The following NFE2L3 variants were observed in gnomAD, a reference collection of about 807,000 sequenced individuals.
NFE2L3 encodes the protein nuclear factor erythroid 2-related factor 3.
NFE2L3 carries 18 observed loss-of-function variants against 23.5 expected under a neutral mutation model. The observed-to-expected ratio is 0.77, with a 90% CI of 0.53 to 1.13. The LOEUF (loss-of-function observed/expected upper bound fraction) is 1.13, where lower values mean the gene tolerates loss of function less well. Ranked by LOEUF, NFE2L3 falls within the 50% of genes most tolerant of loss-of-function variation. The pLI is 0.00. For missense variants in NFE2L3, 1,152 were observed against 877.2 expected (o/e 1.31, Z -3.96); for synonymous variants, 424 against 354.5 (o/e 1.20, Z -2.20).
rs769856275 is a variant in NFE2L3 at position 26,185,364 on chromosome 7, G to A, written c.1666G>A (p.Gly556Ser). ...CCCTTTTTCTGTAGATGAAATTGTC[G>A]GCATGCCTGTTGATTCTTTCAATAG... is the stretch of plus-strand genomic sequence containing the variant. ...HIPFSVDEIV[G>S]MPVDSFNSML... is the part of the protein sequence containing the mutation. Residue 556 changes from glycine to serine, a missense_variant, in exon 4 of 4, where the codon GGC (glycine) becomes AGC (serine). By Grantham distance (56) the Gly-to-Ser change is moderately conservative (BLOSUM62 0). Coordinates refer to ENST00000056233, the MANE Select transcript of NFE2L3 (RefSeq NM_004289.7). 2.5e-5 allele frequency: 41 copies of A among 1,613,934 alleles called. No homozygotes were observed. The highest frequency in any genetic ancestry group is 2.9e-5 in the Non-Finnish European group (34 of 1,180,000).
Position 26,183,707 on chromosome 7 carries a change from C to G in NFE2L3, c.757C>G (p.Leu253Val), listed in dbSNP as rs1229328383. The change falls in exon 3 of 4, where the codon CTG becomes GTG. Residue 253 changes from leucine to valine, a missense_variant. Coordinates refer to ENST00000056233, the MANE Select transcript of NFE2L3 (RefSeq NM_004289.7). ...TTTTTGTGTTTCTCTACAGAGACAT[C>G]TGAATGGGACAGATACTTCTTTCTC... Reference protein sequence around the residue: ...KTTESRNERHLNGTDTSFSLE... With the variant: ...KTTESRNERHVNGTDTSFSLE... 6.2e-7 allele frequency: 1 copy of G among 1,608,668 alleles called. No individual in the cohort carries two copies. Among genetic ancestry groups the G allele is most frequent in the South Asian group, 1.1e-5 (1 of 90,962 alleles).
chr7:26,180,675 T>A (rs1784491294), intron 2 of NFE2L3, among the ~76,000 whole-genome samples: 1 of 152,224 alleles, frequency 6.6e-6, no homozygotes, highest in Non-Finnish European at 1.5e-5. Flanking sequence ...ACTCCCTCAC[T>A]GGGCTTCCCA....
rs1782460605 is a variant in NFE2L3, at chr7:26,185,505, ATTT to A, written c.1809_1811del (p.Ile603_Leu604delinsMet). 6.2e-7 allele frequency: 1 copy of A among 1,613,874 alleles called. No homozygotes were observed. The highest frequency in any genetic ancestry group is 8.5e-7 in the Non-Finnish European group (1 of 1,179,870). ...CTGTCGTAAACGCAAATTGGACATA[ATTT>A]TGAATTTAGAAGATGATGTATGTAA... On this transcript the variant is annotated inframe_deletion, in exon 4 of 4. Coordinates refer to ENST00000056233, the MANE Select transcript of NFE2L3 (RefSeq NM_004289.7).
In NFE2L3 at chr7:26,186,573, G is replaced by C. The variant is rs976297569; in HGVS notation, c.*790G>C. The C allele has an allele frequency of 6.6e-6, 1 of 152,186 alleles. No individual in the cohort carries two copies. Among genetic ancestry groups the C allele is most frequent in the African/African-American group, 2.4e-5 (1 of 41,446 alleles). 9.4% of individuals were successfully genotyped at this position (152,186 alleles called of 1,614,324 possible). ...CACAGGCCTTCCTCATGTAACCAGAGACAGAATGGGCTACTTGCAAAAACG... is the reference window on the plus strand; with the variant it reads ...CACAGGCCTTCCTCATGTAACCAGACACAGAATGGGCTACTTGCAAAAACG... On this transcript the variant is annotated 3_prime_UTR_variant, in exon 4 of 4. Coordinates refer to ENST00000056233, the MANE Select transcript of NFE2L3 (RefSeq NM_004289.7).
At chr7:26,166,879 T>G (rs1405174079) in intron 1 of NFE2L3, among the ~76,000 whole-genome samples, 1 of 152,154 alleles carries the variant, frequency 6.6e-6, no homozygotes, top group African/African-American at 2.4e-5. Context: ...TCTTTGAAGG[T>G]TCTTCCAACC....
chr7:26,152,374 T>C lies in NFE2L3; in HGVS notation c.-125T>C. On this transcript the variant is annotated 5_prime_UTR_variant, in exon 1 of 4. Coordinates refer to ENST00000056233, the MANE Select transcript of NFE2L3 (RefSeq NM_004289.7). This position sits in a 1 kb window ranked among gnomAD's most constrained non-coding sequence, Gnocchi z 4.4. ...GACGGCCGCCACGCGCCCCGGTCCA[T>C]TGTTTCGCTTATCTGGGTTCCAGGC... The C allele has an allele frequency of 1.9e-6, 1 of 526,592 alleles. No individual in the cohort carries two copies. Among genetic ancestry groups the C allele is most frequent in the Non-Finnish European group, 2.6e-6 (1 of 379,122 alleles). The allele number at this position is 526,592 out of a possible 1,614,324, so 32.6% of individuals were successfully genotyped here.
intron 1 of NFE2L3, among the ~76,000 whole-genome samples, chr7:26,157,628 A>G (rs991359859): frequency 1.3e-5 from 2 of 152,204 alleles, no homozygotes; most frequent in Non-Finnish European, 2.9e-5. Flanking sequence ...TTATAATTAC[A>G]TACATTGCGT....
chr7:26,183,603 G>T, intron 2 of NFE2L3, 98 bp from the exon 3 acceptor site: 1 of 738,092 alleles, frequency 1.4e-6, no homozygotes. Context: ...AAAATCCAGT[G>T]TGGAAATAAT....
intron 1 of NFE2L3, among the ~76,000 whole-genome samples, chr7:26,165,766 A>G (rs1461921720): frequency 6.6e-6 from 1 of 152,158 alleles, no homozygotes; most frequent in African/African-American, 2.4e-5. Flanking sequence ...CCCATTCAGT[A>G]TGATATTGGC....
intron 1 of NFE2L3, among the ~76,000 whole-genome samples, chr7:26,156,283 G>A (rs972551387): frequency 2.0e-5 from 3 of 152,164 alleles, no homozygotes; most frequent in African/African-American, 7.2e-5. Context: ...GTAAATGTTA[G>A]CTACTGTTAA....
chr7:26,163,272 A>G (rs183273292), intron 1 of NFE2L3, among the ~76,000 whole-genome samples: 2 of 152,350 alleles, frequency 1.3e-5, no homozygotes, highest in South Asian at 2.1e-4. Context: ...ATTTTAGTAT[A>G]TATCCCCAAA....
At position 26,184,821 on chromosome 7, in the gene NFE2L3, C is replaced by CT. The variant is rs1361575324; in HGVS notation, c.1124dup (p.Thr376AsnfsTer8). On this transcript the variant is annotated frameshift_variant, in exon 4 of 4. Transcript: ENST00000056233. LOFTEE classifies it low-confidence loss of function (END_TRUNC). ...ACCGGTTGACAATCATATGAGGAATCTAACAAGCCAAGACCTACTGTATGA... is the reference window on the plus strand; with the variant it reads ...ACCGGTTGACAATCATATGAGGAATCTTAACAAGCCAAGACCTACTGTATGA... 1 of 1,613,826 alleles carries CT rather than the reference C, an allele frequency of 6.2e-7. No homozygotes were observed. Among genetic ancestry groups the CT allele is most frequent in the Non-Finnish European group, 8.5e-7 (1 of 1,179,820 alleles).
intron 2 of NFE2L3, among the ~76,000 whole-genome samples, chr7:26,181,384 G>C (rs1784506063): frequency 1.3e-5 from 2 of 152,138 alleles, no homozygotes; most frequent in Non-Finnish European, 2.9e-5. Context: ...AGTTAGACCA[G>C]TGAATCACTG....
At chr7:26,160,553 C>T (rs1270969377) in intron 1 of NFE2L3, among the ~76,000 whole-genome samples, 1 of 152,234 alleles carries the variant, frequency 6.6e-6, no homozygotes, top group Non-Finnish European at 1.5e-5. Flanking sequence ...TTCAAACTCT[C>T]TAGGGCACCC....
At chr7:26,158,168 C>T (rs994139004) in intron 1 of NFE2L3, among the ~76,000 whole-genome samples, 1 of 152,138 alleles carries the variant, frequency 6.6e-6, no homozygotes, top group African/African-American at 2.4e-5. Flanking sequence ...CCTGCCTCAG[C>T]CTCCCAAGTA....
chr7:26,176,920 C>T (rs889717427), intron 1 of NFE2L3, among the ~76,000 whole-genome samples: 4 of 116,534 alleles, frequency 3.4e-5, no homozygotes, highest in Non-Finnish European at 5.5e-5. Flanking sequence ...ACATCCCAGA[C>T]GATGGGCGGC....
intron 1 of NFE2L3, among the ~76,000 whole-genome samples, chr7:26,171,894 T>C (rs1412513284): frequency 6.6e-6 from 1 of 152,094 alleles, no homozygotes. Context: ...GGGGGCAGGG[T>C]CTGATTGTAT....
At chr7:26,159,109 C>T (rs937969953) in intron 1 of NFE2L3, among the ~76,000 whole-genome samples, 6 of 152,186 alleles carry the variant, frequency 3.9e-5, no homozygotes, top group Non-Finnish European at 1.5e-5. Flanking sequence ...CTCGCCATTG[C>T]CTACTTATTC....
intron 1 of NFE2L3, among the ~76,000 whole-genome samples, chr7:26,175,908 A>C (rs926009631): frequency 1.8e-5 from 2 of 108,174 alleles, no homozygotes; most frequent in African/African-American, 7.4e-5. Context: ...TTTCTTGGAG[A>C]GGGGGATGTG....
Sources: gnomAD v4.1 joint callset for allele counts (sites outside exome capture counted in the v4.1 genomes callset) on GRCh38, gnomAD v4.1.1 for gene constraint, Gnocchi (gnomAD v3.1) non-coding constraint, MANE v1.5 for transcripts, NCBI Gene and HGNC (gene_info 2026-07-23, HGNC 2026-07-21) for gene names.